The following PHLPP1 variants were observed in gnomAD, a reference collection of about 807,000 sequenced individuals.
PHLPP1 encodes PH domain leucine-rich repeat-containing protein phosphatase 1.
In PHLPP1, 42 loss-of-function variants were observed where a neutral mutation model predicts 117.2. That is an observed-to-expected ratio of 0.36 (90% CI 0.28 to 0.46). The LOEUF (loss-of-function observed/expected upper bound fraction) is 0.46. PHLPP1 is among the 20% of genes least tolerant of loss of function. The probability of loss-of-function intolerance (pLI) is 1.00; values close to 1 mark genes in which losing one functional copy is unlikely to be tolerated. For missense variants in PHLPP1, 2,084 were observed against 2,241.9 expected, an observed-to-expected ratio of 0.93 and a Z score of 1.42; for synonymous variants, 1,042 against 970.7, an observed-to-expected ratio of 1.07 and a Z score of -1.37.
intron 1 of PHLPP1, among the ~76,000 whole-genome samples, chr18:62,813,689 T>C (rs944601188): frequency 2.6e-5 from 4 of 152,146 alleles, no homozygotes; most frequent in Admixed American, 2.6e-4. Context: ...TGCCCAGAAC[T>C]ATTGAATGAG....
At chr18:62,938,222 A>C (rs1910029606) in intron 10 of PHLPP1, among the ~76,000 whole-genome samples, 1 of 152,190 alleles carries the variant, frequency 6.6e-6, no homozygotes, top group Non-Finnish European at 1.5e-5. Flanking sequence ...AAAATTCTGT[A>C]AGGAAGAAGC....
chr18:62,749,806 A>G (rs1384992998), intron 1 of PHLPP1, among the ~76,000 whole-genome samples: 1 of 152,198 alleles, frequency 6.6e-6, no homozygotes, highest in Non-Finnish European at 1.5e-5. Flanking sequence ...ACTTGAGGTC[A>G]GGAGTTCGAG....
intron 1 of PHLPP1, among the ~76,000 whole-genome samples, chr18:62,734,705 A>G (rs1911322337): frequency 6.6e-6 from 1 of 152,238 alleles, no homozygotes; most frequent in Non-Finnish European, 1.5e-5. Context: ...ATCAACATTC[A>G]GGTTAATTAC....
chr18:62,940,431 C>T (rs1910098961), intron 10 of PHLPP1, among the ~76,000 whole-genome samples: 1 of 120,242 alleles, frequency 8.3e-6, no homozygotes, highest in Non-Finnish European at 1.6e-5. Flanking sequence ...GTGGTGCGAT[C>T]TCCGCTCACT....
At chr18:62,896,636 C>A (rs1916570196) in intron 6 of PHLPP1, among the ~76,000 whole-genome samples, 1 of 152,066 alleles carries the variant, frequency 6.6e-6, no homozygotes, top group Admixed American at 6.6e-5. Context: ...GCCTTGCTCT[C>A]TTGCCCGGCC....
chr18:62,958,159 T>C (rs1432079024), intron 12 of PHLPP1, among the ~76,000 whole-genome samples: 2 of 152,228 alleles, frequency 1.3e-5, no homozygotes, highest in African/African-American at 4.8e-5. Context: ...TGACCTCAAG[T>C]GATCCACCCT....
At chr18:62,761,041 T>C (rs1002263473) in intron 1 of PHLPP1, among the ~76,000 whole-genome samples, 3 of 151,856 alleles carry the variant, frequency 2.0e-5, no homozygotes, top group Admixed American at 6.6e-5. Flanking sequence ...TTTTTTGTAT[T>C]TTTTGTAGCG....
chr18:62,965,682 C>T (rs758834274), intron 14 of PHLPP1, among the ~76,000 whole-genome samples: 4 of 151,468 alleles, frequency 2.6e-5, no homozygotes, highest in Non-Finnish European at 5.9e-5. Context: ...CAGTCTTGAA[C>T]TCCTGACCTC....
At position 62,791,537 on chromosome 18, in the gene PHLPP1, C is replaced by T. The variant is rs189507814; in HGVS notation, c.1577-38498C>T. ...TTTGCTTCTGACTTTATTCAAGCTA[C>T]AAAGGGAGATCCAATTTCCTGCCAG... On this transcript the variant is annotated intron_variant, in intron 1 of 16. Transcript: ENST00000262719. 7.6e-4 allele frequency among the ~76,000 whole-genome samples: 116 copies of T among 152,292 alleles called. 1 individual carries two copies. The highest frequency in any genetic ancestry group is 2.3e-3 in the African/African-American group (94 of 41,566).
At chr18:62,835,393 T>A (rs922850030) in intron 2 of PHLPP1, among the ~76,000 whole-genome samples, 46 of 151,864 alleles carry the variant, frequency 3.0e-4, no homozygotes, top group African/African-American at 9.9e-4. Flanking sequence ...TAGTAGAGAC[T>A]GGGTTTCATC....
intron 6 of PHLPP1, among the ~76,000 whole-genome samples, chr18:62,900,675 G>A (rs1193711911): frequency 6.6e-6 from 1 of 151,872 alleles, no homozygotes; most frequent in Non-Finnish European, 1.5e-5. Flanking sequence ...CTGTTGCCCA[G>A]TCTGGTCTCA....
chr18:62,741,053 G>C (rs186352501), intron 1 of PHLPP1, among the ~76,000 whole-genome samples: 2 of 152,094 alleles, frequency 1.3e-5, no homozygotes, highest in Admixed American at 6.5e-5. Context: ...TTATATTCCC[G>C]TAGCAAAGTT....
chr18:62,823,573 C>A (rs1201253449), intron 1 of PHLPP1, among the ~76,000 whole-genome samples: 4 of 124,224 alleles, frequency 3.2e-5, no homozygotes, highest in Non-Finnish European at 5.0e-5. Context: ...ATATATATAT[C>A]TATATATATC....
Position 62,979,355 on chromosome 18 carries a change from C to T in PHLPP1, c.5078C>T (p.Pro1693Leu). 6.5e-7 allele frequency: 1 copy of T among 1,547,124 alleles called. No individual in the cohort carries two copies. Among genetic ancestry groups the T allele is most frequent in the Non-Finnish European group, 8.8e-7 (1 of 1,142,674 alleles). The change falls in exon 17 of 17, where the codon CCC becomes CTC. Residue 1693 changes from proline to leucine, a missense_variant. Transcript: ENST00000262719. ...EQQQQQQPPP[P>L]PQLQPQLPRH... Reference sequence around the variant, plus strand: ...CAGCAGCAGCAGCAGCCGCCACCACCCCCTCAGCTCCAGCCGCAGCTGCCG... The same window carrying T: ...CAGCAGCAGCAGCAGCCGCCACCACTCCCTCAGCTCCAGCCGCAGCTGCCG...
chr18:62,932,109 A>C (rs1174052483), intron 10 of PHLPP1, among the ~76,000 whole-genome samples: 2 of 152,144 alleles, frequency 1.3e-5, no homozygotes, highest in African/African-American at 4.8e-5. Flanking sequence ...AATGAGTTAC[A>C]AAATTGAGTC....
At chr18:62,933,807 G>C (rs937185078) in intron 10 of PHLPP1, among the ~76,000 whole-genome samples, 1 of 152,226 alleles carries the variant, frequency 6.6e-6, no homozygotes, top group African/African-American at 2.4e-5. Flanking sequence ...AGAATGAACA[G>C]ACAATCTACA....
chr18:62,847,990 G>C (rs1190854779), intron 3 of PHLPP1, among the ~76,000 whole-genome samples: 1 of 152,204 alleles, frequency 6.6e-6, no homozygotes, highest in East Asian at 1.9e-4. Context: ...CCCTTGCACT[G>C]CCCTGTCTGC....
In PHLPP1 at chr18:62,717,025, C is replaced by T; in HGVS notation, c.1342C>T (p.Leu448Phe). The change falls in exon 1 of 17, where the codon CTC (leucine) becomes TTC (phenylalanine). Residue 448 changes from leucine to phenylalanine, a missense_variant. Physicochemically the swap from Leu to Phe is conservative, Grantham distance 22. Transcript: ENST00000262719. ...KAAAAVAPGGLQSTPGRSGVT... is the reference protein window; with the variant it reads ...KAAAAVAPGGFQSTPGRSGVT... ...AGCGGCAGCCGTGGCCCCGGGAGGC[C>T]TCCAGTCTACCCCCGGGAGGAGCGG... The T allele has an allele frequency of 3.9e-6, 6 of 1,545,504 alleles. No individual in the cohort carries two copies. Among genetic ancestry groups the T allele is most frequent in the Non-Finnish European group, 5.2e-6 (6 of 1,146,058 alleles).
intron 12 of PHLPP1, among the ~76,000 whole-genome samples, chr18:62,957,340 T>G (rs1910641316): frequency 6.6e-6 from 1 of 152,174 alleles, no homozygotes; most frequent in Admixed American, 6.5e-5. Context: ...ACCTGATTTT[T>G]TTGTAACCAA....
Sources: allele counts gnomAD v4.1 joint callset (sites outside exome capture counted in the v4.1 genomes callset), GRCh38; gene constraint gnomAD v4.1.1; transcripts MANE v1.5; gene names NCBI Gene and HGNC (gene_info 2026-07-23, HGNC 2026-07-21).